The following NCAM2 variants were observed in gnomAD, a reference collection of about 807,000 sequenced individuals.
NCAM2 encodes neural cell adhesion molecule 2.
NCAM2 carries 30 observed loss-of-function variants against 98.1 expected under a neutral mutation model. The ratio of observed to expected loss-of-function variants is 0.31; its 90% confidence interval spans 0.23 to 0.41. The LOEUF is 0.41. NCAM2 is among the 10% of genes least tolerant of loss of function. The pLI, the probability that NCAM2 is intolerant of heterozygous loss-of-function variation, is 1.00. For missense variants in NCAM2, 867 were observed against 1,005.8 expected, an observed-to-expected ratio of 0.86 and a Z score of 1.87; for synonymous variants, 368 against 342.4, an observed-to-expected ratio of 1.07 and a Z score of -0.83.
At chr21:21,233,934 A>G (rs887260457) in intron 1 of NCAM2, among the ~76,000 whole-genome samples, 1 of 151,744 alleles carries the variant, frequency 6.6e-6, no homozygotes, top group Admixed American at 6.6e-5. Context: ...AGAAGTTATA[A>G]TTTTTATGTC....
At chr21:21,479,828 A>G (rs1039345839) in intron 15 of NCAM2, among the ~76,000 whole-genome samples, 1 of 151,972 alleles carries the variant, frequency 6.6e-6, no homozygotes, top group African/African-American at 2.4e-5. Flanking sequence ...TTATATTCCC[A>G]GATTTGTTCC....
At chr21:21,492,726 C>G (rs763346112) in intron 15 of NCAM2, among the ~76,000 whole-genome samples, 7 of 151,810 alleles carry the variant, frequency 4.6e-5, no homozygotes, top group African/African-American at 9.7e-5. Flanking sequence ...TCAACACTTA[C>G]AATTTGCATA....
chr21:21,367,821 T>C (rs6518102), intron 8 of NCAM2, among the ~76,000 whole-genome samples: 97,336 of 151,706 alleles, frequency 0.64, 31,433 homozygotes, highest in Middle Eastern at 0.72. Flanking sequence ...AATCTCAGGC[T>C]TTAGAGATTA....
intron 12 of NCAM2, among the ~76,000 whole-genome samples, chr21:21,446,398 C>T (rs1980143172): frequency 6.6e-6 from 1 of 151,976 alleles, no homozygotes; most frequent in African/African-American, 2.4e-5. Flanking sequence ...TTAGAAAGTT[C>T]TCCTGGATAA....
intron 1 of NCAM2, among the ~76,000 whole-genome samples, chr21:21,108,707 A>C (rs1005507296): frequency 6.6e-6 from 1 of 152,134 alleles, no homozygotes; most frequent in African/African-American, 2.4e-5. Context: ...TTTTTAGAAT[A>C]AGGACATTTC....
At chr21:21,101,429 A>G (rs62207602) in intron 1 of NCAM2, among the ~76,000 whole-genome samples, 9,845 of 152,080 alleles carry the variant, frequency 0.065, 428 homozygotes, top group Non-Finnish European at 0.094. Context: ...AATGGTGCAC[A>G]CTACCTTATT....
chr21:21,125,716 G>T (rs186335644), intron 1 of NCAM2, among the ~76,000 whole-genome samples: 3,037 of 103,466 alleles, frequency 0.029, 95 homozygotes, highest in African/African-American at 0.08. Flanking sequence ...TATATATATA[G>T]AGAGAGAGAG....
chr21:21,433,042 G>C (rs922850934), intron 12 of NCAM2, among the ~76,000 whole-genome samples: 6 of 152,106 alleles, frequency 3.9e-5, no homozygotes, highest in African/African-American at 1.4e-4. Context: ...TAAAAAGCAA[G>C]AGCCTTCCTG....
intron 1 of NCAM2, among the ~76,000 whole-genome samples, chr21:21,153,413 C>T (rs772772367): frequency 1.3e-5 from 2 of 151,606 alleles, no homozygotes; most frequent in African/African-American, 2.4e-5. Flanking sequence ...TGTTTATTTG[C>T]CCCTTGCCTT....
At chr21:21,020,565 G>T (rs2064411586) in intron 1 of NCAM2, among the ~76,000 whole-genome samples, 1 of 152,180 alleles carries the variant, frequency 6.6e-6, no homozygotes, top group African/African-American at 2.4e-5. Context: ...AAGCACAGAT[G>T]TTTCCGCAAT....
chr21:21,327,335 T>G (rs1044212569), intron 6 of NCAM2, among the ~76,000 whole-genome samples: 4 of 143,050 alleles, frequency 2.8e-5, no homozygotes, highest in Non-Finnish European at 6.0e-5. Flanking sequence ...AAAAAATTTC[T>G]TTTCCCATAT....
chr21:21,194,670 CAG>C (rs2068942768), intron 1 of NCAM2, among the ~76,000 whole-genome samples: 1 of 152,008 alleles, frequency 6.6e-6, no homozygotes, highest in South Asian at 2.1e-4. Flanking sequence ...ACAAACTTGA[CAG>C]ATTTCAATAT....
In NCAM2 at chr21:21,014,852, A is replaced by G. The variant is rs557472841; in HGVS notation, c.55+16234A>G. Among the ~76,000 whole-genome samples, 8 of 152,306 alleles carry G rather than the reference A, an allele frequency of 5.3e-5. No individual in the cohort carries two copies. In the East Asian group the frequency reaches 1.2e-3, roughly 22 times the overall value. On this transcript the variant is annotated intron_variant, in intron 1 of 17. Transcript: ENST00000400546. The stretch of plus-strand genomic sequence containing the variant: ...CACCATTCTAGATGCCATTAAGAAC[A>G]TTTGTGGTTCATGGGAGGAGGTCAC...
intron 1 of NCAM2, among the ~76,000 whole-genome samples, chr21:21,115,831 A>G (rs149074470): frequency 5.3e-5 from 8 of 152,248 alleles, no homozygotes; most frequent in African/African-American, 9.6e-5. Flanking sequence ...AGAATTTGCA[A>G]TGTCTTGTAT....
At chr21:21,025,333 C>A (rs1412598793) in intron 1 of NCAM2, among the ~76,000 whole-genome samples, 1 of 152,146 alleles carries the variant, frequency 6.6e-6, no homozygotes, top group African/African-American at 2.4e-5. Context: ...GGCCTGCCCA[C>A]CTAGGCCTCC....
chr21:21,340,093 A>T (rs1042705515), intron 8 of NCAM2, among the ~76,000 whole-genome samples: 18 of 152,016 alleles, frequency 1.2e-4, no homozygotes, highest in Non-Finnish European at 4.4e-5. Flanking sequence ...AAATTAAAAA[A>T]ATACAATCGT....
intron 1 of NCAM2, among the ~76,000 whole-genome samples, chr21:21,188,499 A>G (rs2068712988): frequency 6.6e-6 from 1 of 152,218 alleles, no homozygotes; most frequent in Non-Finnish European, 1.5e-5. Flanking sequence ...AATAGCACCA[A>G]TATTCTCTTA....
At chr21:21,378,876 A>G (rs531492967) in intron 9 of NCAM2, among the ~76,000 whole-genome samples, 11 of 152,260 alleles carry the variant, frequency 7.2e-5, no homozygotes, top group African/African-American at 2.2e-4. Flanking sequence ...TTCTTCAGGT[A>G]AATTTTTCAA....
chr21:21,510,600 AT>A (rs34991824), intron 16 of NCAM2, among the ~76,000 whole-genome samples: 152,121 of 152,140 alleles, frequency 1, 76,051 homozygotes, highest in South Asian at 1. Flanking sequence ...TTATAGACAC[AT>A]TTTGTCTTGG....
Sources: gnomAD v4.1 joint callset for allele counts (sites outside exome capture counted in the v4.1 genomes callset) on GRCh38, gnomAD v4.1.1 for gene constraint, MANE v1.5 for transcripts, NCBI Gene and HGNC (gene_info 2026-07-23, HGNC 2026-07-21) for gene names.